Variants in SCG3 observed in about 807,000 individuals in gnomAD.
The protein encoded by SCG3 is secretogranin-3.
Under a neutral mutation model 56.2 loss-of-function variants are expected in SCG3, and 38 were observed. The observed-to-expected ratio is 0.68, with a 90% CI of 0.52 to 0.89. The LOEUF (loss-of-function observed/expected upper bound fraction) is 0.89, where lower values mean the gene tolerates loss of function less well. Ranked by LOEUF, SCG3 falls within the 40% of genes least tolerant of loss-of-function variation. The pLI, the probability that SCG3 is intolerant of heterozygous loss-of-function variation, is 0.00. For synonymous variants in SCG3, 176 were observed against 184.2 expected, an observed-to-expected ratio of 0.96 and a Z score of 0.36; for missense variants, 524 against 540.7, an observed-to-expected ratio of 0.97 and a Z score of 0.31.
chr15:51,711,850 CTCTGTGCT>C (rs1013888056), intron 10 of SCG3, among the ~76,000 whole-genome samples: 3 of 152,070 alleles, frequency 2.0e-5, no homozygotes, highest in Non-Finnish European at 4.4e-5. Flanking sequence ...GTGTAGTAGT[CTCTGTGCT>C]TCTTTGGGGA....
intron 10 of SCG3, among the ~76,000 whole-genome samples, chr15:51,703,887 T>G (rs2055353910): frequency 6.6e-6 from 1 of 152,148 alleles, no homozygotes; most frequent in Non-Finnish European, 1.5e-5. Flanking sequence ...ACCATCACAA[T>G]TTTTTCCTAC....
chr15:51,682,696 C>T (rs913356545), intron 2 of SCG3, 127 bp downstream of exon 2: 1 of 620,892 alleles, frequency 1.6e-6, no homozygotes, highest in East Asian at 3.3e-5. Context: ...AGTTAATTGA[C>T]AGAAATTAGG....
At position 51,685,802 on chromosome 15, in the gene SCG3, G is replaced by A. The variant is rs558816152; in HGVS notation, c.397+2368G>A. ...TCCTTTTCAGTGTTTTCTATAGTAT[G>A]CACAATTTAGGATCTTTCCAAATTT... On this transcript the variant is annotated intron_variant, in intron 4 of 11. Transcript: ENST00000220478. 3.3e-5 allele frequency among the ~76,000 whole-genome samples: 5 copies of A among 152,292 alleles called. 1 individual carries two copies. In the South Asian group the frequency reaches 1.0e-3, roughly 32 times the overall value.
At position 51,699,324 on chromosome 15, in the gene SCG3, T is replaced by C. The variant is rs772357658; in HGVS notation, c.991T>C (p.Leu331=). 63 of 1,601,414 alleles carry C rather than the reference T, an allele frequency of 3.9e-5. No homozygotes were observed. Among genetic ancestry groups the C allele is most frequent in the Non-Finnish European group, 5.2e-5 (61 of 1,176,088 alleles). Residue 331 remains leucine (L), a synonymous_variant, in exon 9 of 12, where the codon TTG becomes CTG. Coordinates refer to ENST00000220478, the MANE Select transcript of SCG3 (RefSeq NM_013243.4). The stretch of plus-strand genomic sequence containing the variant: ...TCTTTCCTTCCTCCCTCCAGAAAAC[T>C]TGGATGAAATGATTGCTCTTCAGAC... ...PEEGVSYLEN[L]DEMIALQTKN...
At chr15:51,697,412 G>A (rs569306296) in intron 8 of SCG3, among the ~76,000 whole-genome samples, 4 of 152,280 alleles carry the variant, frequency 2.6e-5, no homozygotes, top group South Asian at 2.1e-4. Flanking sequence ...GCAGTGCTGC[G>A]CAATATGGTA....
At chr15:51,712,144 C>T (rs1043648292) in intron 10 of SCG3, among the ~76,000 whole-genome samples, 3 of 152,116 alleles carry the variant, frequency 2.0e-5, no homozygotes, top group Non-Finnish European at 4.4e-5. Context: ...AAAAAGTTGT[C>T]GTGAAGAATA....
chr15:51,699,716 A>C (rs545264142), intron 9 of SCG3, among the ~76,000 whole-genome samples: 1 of 152,164 alleles, frequency 6.6e-6, no homozygotes, highest in Non-Finnish European at 1.5e-5. Context: ...ATTCTCCTTT[A>C]GGTATCTTCT....
intron 11 of SCG3, among the ~76,000 whole-genome samples, chr15:51,716,609 G>GA (rs1389112261): frequency 6.6e-6 from 1 of 152,062 alleles, no homozygotes; most frequent in Non-Finnish European, 1.5e-5. Context: ...CATGAGTGTG[G>GA]AAAAAGCAAC....
At chr15:51,696,176 C>G (rs1276332562) in intron 8 of SCG3, among the ~76,000 whole-genome samples, 185 bp downstream of exon 8, 1 of 152,074 alleles carries the variant, frequency 6.6e-6, no homozygotes, top group African/African-American at 2.4e-5. Context: ...TTTATAGAAC[C>G]AGCTTAAGTA....
In SCG3 at chr15:51,699,551, C is replaced by A. The variant is rs7174890; in HGVS notation, c.1069+149C>A. 962 of 634,086 alleles carry A rather than the reference C, an allele frequency of 1.5e-3. 11 individuals are homozygous for A. In the African/African-American group the frequency reaches 0.017, roughly 11 times the overall value. 39.3% of individuals were successfully genotyped at this position (634,086 alleles called of 1,614,324 possible). A position where few individuals can be genotyped will look rare whatever the true frequency, so the allele number is the denominator to read the frequency against. On this transcript the variant is annotated intron_variant, in intron 9 of 11. Transcript: ENST00000220478. ...CAGCCATAGGATTAATTAGATGTGA[C>A]CTTGGCTATTTTGTGGCCAATCACA...
chr15:51,708,519 T>G (rs2055390098), intron 10 of SCG3, among the ~76,000 whole-genome samples: 1 of 152,170 alleles, frequency 6.6e-6, no homozygotes, highest in African/African-American at 2.4e-5. Context: ...ATTGGGCCTT[T>G]AAAAGTTTTC....
chr15:51,716,707 CCAAG>C (rs1206161464), intron 11 of SCG3, among the ~76,000 whole-genome samples: 2 of 152,212 alleles, frequency 1.3e-5, no homozygotes, highest in Admixed American at 6.5e-5. Context: ...CTCCCCACCA[CCAAG>C]CAAGCAATCA....
chr15:51,705,282 G>A (rs542671979), intron 10 of SCG3, among the ~76,000 whole-genome samples: 5 of 152,210 alleles, frequency 3.3e-5, no homozygotes, highest in Admixed American at 6.5e-5. Context: ...ACCTTCTATC[G>A]CTGTGCACAG....
intron 8 of SCG3, among the ~76,000 whole-genome samples, chr15:51,698,724 C>A (rs2055320324): frequency 6.6e-6 from 1 of 152,186 alleles, no homozygotes; most frequent in African/African-American, 2.4e-5. Flanking sequence ...AGACAGACTG[C>A]TCCCTGTGGG....
chr15:51,720,800 A>C lies in SCG3; in HGVS notation c.*1274A>C, dbSNP rs571999095. On this transcript the variant is annotated 3_prime_UTR_variant, in exon 12 of 12. Coordinates refer to ENST00000220478, the MANE Select transcript of SCG3 (RefSeq NM_013243.4). ...CCATCAGCACTCTGTAAAACGCACC[A>C]ATCAGCACTCTGTAAAATGCACCAA... is the stretch of plus-strand genomic sequence containing the variant. 4.0e-5 allele frequency: 7 copies of C among 175,590 alleles called. No individual in the cohort carries two copies. The highest frequency in any genetic ancestry group is 1.9e-4 in the Admixed American group (3 of 15,684). 10.9% of individuals were successfully genotyped at this position (175,590 alleles called of 1,614,324 possible). A position where few individuals can be genotyped will look rare whatever the true frequency, so the allele number is the denominator to read the frequency against.
intron 1 of SCG3, among the ~76,000 whole-genome samples, chr15:51,682,118 T>C (rs573640304): frequency 7.7e-4 from 117 of 152,346 alleles, no homozygotes; most frequent in African/African-American, 2.8e-3. Context: ...TGTTTTCTAG[T>C]TGCCTTACAA....
intron 10 of SCG3, among the ~76,000 whole-genome samples, chr15:51,709,725 T>TGA (rs1555458191): frequency 1.8e-5 from 1 of 57,008 alleles, no homozygotes; most frequent in Non-Finnish European, 3.4e-5. Flanking sequence ...TTTTTTTTTT[T>TGA]TTTTTTTTTT....
chr15:51,688,239 A>C (rs776781526), intron 4 of SCG3, 21 bp from the exon 5 acceptor site: 15 of 1,604,022 alleles, frequency 9.4e-6, no homozygotes, highest in Non-Finnish European at 1.2e-5. Flanking sequence ...TATGGTGTGA[A>C]GTTGTGGTCG....
chr15:51,695,484 G>A (rs930145426), intron 7 of SCG3: 17 of 153,036 alleles, frequency 1.1e-4, no homozygotes, highest in African/African-American at 3.8e-4. Context: ...GCCCATGTCC[G>A]AAAAAGTTCA....
Sources: allele counts gnomAD v4.1 joint callset (sites outside exome capture counted in the v4.1 genomes callset), GRCh38; gene constraint gnomAD v4.1.1; transcripts MANE v1.5; gene names NCBI Gene and HGNC (gene_info 2026-07-23, HGNC 2026-07-21).